Variants in IKZF2 observed in about 807,000 individuals in gnomAD.
IKZF2 encodes the protein IKAROS family zinc finger 2.
In IKZF2, 15 loss-of-function variants were observed where a neutral mutation model predicts 49.2. The ratio of observed to expected loss-of-function variants is 0.30; its 90% CI spans 0.20 to 0.47. The LOEUF (loss-of-function observed/expected upper bound fraction) is 0.47. Among genes scored for constraint, IKZF2 ranks in the 20% least tolerant of loss-of-function variants. The pLI is 1.00. For synonymous variants in IKZF2, 227 were observed against 221.4 expected (o/e 1.03, Z -0.23); for missense variants, 567 against 664.6 (o/e 0.85, Z 1.61).
intron 4 of IKZF2, among the ~76,000 whole-genome samples, chr2:213,121,733 G>C (rs1280732431): frequency 6.6e-6 from 1 of 152,136 alleles, no homozygotes; most frequent in African/African-American, 2.4e-5. Context: ...GTTTAAAATG[G>C]CCATTATTAC....
chr2:213,069,326 C>A (rs1237846379), intron 4 of IKZF2, among the ~76,000 whole-genome samples: 3 of 152,102 alleles, frequency 2.0e-5, no homozygotes, highest in Non-Finnish European at 4.4e-5. Flanking sequence ...AGCCTAAAGT[C>A]TTTGTTTTCT....
chr2:213,011,555 G>A (rs747473729), intron 8 of IKZF2, among the ~76,000 whole-genome samples: 4 of 152,042 alleles, frequency 2.6e-5, no homozygotes, highest in Non-Finnish European at 5.9e-5. Context: ...GTAATATTAT[G>A]TTGAAATCAG....
intron 5 of IKZF2, among the ~76,000 whole-genome samples, chr2:213,050,380 C>A (rs13019839): frequency 0.53 from 80,063 of 152,034 alleles, 21,749 homozygotes; most frequent in East Asian, 0.76. Context: ...TGTTCTCTTT[C>A]TTTTACCATG....
intron 5 of IKZF2, among the ~76,000 whole-genome samples, chr2:213,050,671 G>A (rs1270292942): frequency 2.0e-5 from 3 of 151,950 alleles, no homozygotes; most frequent in East Asian, 1.9e-4. Flanking sequence ...TTTTCTCCCC[G>A]TTTTTCTATT....
At chr2:213,073,312 G>A (rs1702906260) in intron 4 of IKZF2, among the ~76,000 whole-genome samples, 1 of 152,150 alleles carries the variant, frequency 6.6e-6, no homozygotes, top group South Asian at 2.1e-4. Flanking sequence ...TAGTGATGGA[G>A]TTCAGTGAGT....
At chr2:213,032,215 T>C (rs867804955) in intron 6 of IKZF2, among the ~76,000 whole-genome samples, 2 of 152,292 alleles carry the variant, frequency 1.3e-5, no homozygotes, top group East Asian at 1.9e-4. Context: ...CCAAATTATA[T>C]AGACTCTTCC....
At chr2:213,120,906 A>G (rs2060034760) in intron 4 of IKZF2, among the ~76,000 whole-genome samples, 2 of 152,092 alleles carry the variant, frequency 1.3e-5, no homozygotes, top group Admixed American at 1.3e-4. Context: ...ACGCCCAGCT[A>G]ATTTTTTGTA....
At chr2:213,108,415 G>A (rs1197127199) in intron 4 of IKZF2, among the ~76,000 whole-genome samples, 1 of 152,104 alleles carries the variant, frequency 6.6e-6, no homozygotes, top group Non-Finnish European at 1.5e-5. Context: ...TGAAAAGACA[G>A]AGGGGCCAGC....
At chr2:213,130,884 TTACTTCTTAAG>T (rs1559313914) in intron 4 of IKZF2, among the ~76,000 whole-genome samples, 1 of 152,172 alleles carries the variant, frequency 6.6e-6, no homozygotes, top group African/African-American at 2.4e-5. Flanking sequence ...CAATAAAAGA[TTACTTCTTAAG>T]AAGATGATCT....
chr2:213,062,651 C>A (rs188114182), intron 4 of IKZF2, among the ~76,000 whole-genome samples: 72 of 151,676 alleles, frequency 4.7e-4, no homozygotes, highest in African/African-American at 1.7e-3. Context: ...GTTTCTGTTC[C>A]CTGGCAATTC....
At chr2:213,048,928 A>T (rs1700422837) in intron 6 of IKZF2, among the ~76,000 whole-genome samples, 1 of 152,092 alleles carries the variant, frequency 6.6e-6, no homozygotes, top group African/African-American at 2.4e-5. Flanking sequence ...AACAGAAGAA[A>T]CAAATAAAAC....
intron 4 of IKZF2, among the ~76,000 whole-genome samples, chr2:213,135,755 G>T (rs560237944): frequency 1.3e-5 from 2 of 151,574 alleles, no homozygotes; most frequent in Admixed American, 1.3e-4. Flanking sequence ...GAAAGGAAAA[G>T]GAAAGAAAAG....
chr2:213,059,292 C>T (rs1435474556), intron 4 of IKZF2, among the ~76,000 whole-genome samples: 1 of 151,542 alleles, frequency 6.6e-6, no homozygotes, highest in Non-Finnish European at 1.5e-5. Context: ...CTTTTGCAAA[C>T]ATTTTGGTTT....
At chr2:213,136,601 T>A (rs1267855628) in intron 4 of IKZF2, among the ~76,000 whole-genome samples, 1 of 152,092 alleles carries the variant, frequency 6.6e-6, no homozygotes, top group Non-Finnish European at 1.5e-5. Context: ...ATGGATGTAA[T>A]CAGAGCTACT....
chr2:213,118,061 G>A (rs575825758), intron 4 of IKZF2, among the ~76,000 whole-genome samples: 2 of 151,706 alleles, frequency 1.3e-5, no homozygotes, highest in East Asian at 1.9e-4. Flanking sequence ...AAAGAGAGAC[G>A]GCTTATAAAT....
chr2:213,039,995 G>A (rs1459770662), intron 6 of IKZF2, among the ~76,000 whole-genome samples: 1 of 151,994 alleles, frequency 6.6e-6, no homozygotes, highest in Non-Finnish European at 1.5e-5. Flanking sequence ...ATTTATAAGA[G>A]ACAATGAATA....
At chr2:213,126,222 T>A (rs1259797172) in intron 4 of IKZF2, among the ~76,000 whole-genome samples, 1 of 152,138 alleles carries the variant, frequency 6.6e-6, no homozygotes, top group Non-Finnish European at 1.5e-5. Flanking sequence ...AACACCAAAG[T>A]TCCAGTTCAG....
intron 4 of IKZF2, among the ~76,000 whole-genome samples, chr2:213,142,399 G>T (rs1039946971): frequency 2.0e-5 from 3 of 151,846 alleles, no homozygotes; most frequent in East Asian, 3.8e-4. Context: ...AAAAGACCCA[G>T]ATTTCAAATA....
chr2:213,033,862 G>A (rs113665052), intron 6 of IKZF2, among the ~76,000 whole-genome samples: 5,698 of 152,256 alleles, frequency 0.037, 348 homozygotes, highest in African/African-American at 0.13. Context: ...GTCCTTTGAA[G>A]CTTTTAACCC....
Sources: allele counts gnomAD v4.1 joint callset (sites outside exome capture counted in the v4.1 genomes callset), GRCh38; gene constraint gnomAD v4.1.1; transcripts MANE v1.5; gene names NCBI Gene and HGNC (gene_info 2026-07-23, HGNC 2026-07-21).